Variants in MSRA observed in about 807,000 individuals in gnomAD.
The protein encoded by MSRA is methionine sulfoxide reductase A, also known as mitochondrial peptide methionine sulfoxide reductase.
In MSRA, 54 loss-of-function variants were observed where a neutral mutation model predicts 31.3. The ratio of observed to expected loss-of-function variants is 1.73; its 90% CI spans 1.39 to 2.17. MSRA has a LOEUF of 2.17. MSRA is among the 30% of genes most tolerant of loss of function. The pLI is 0.00. For synonymous variants in MSRA, 169 were observed against 116.5 expected (o/e 1.45, Z -2.90); for missense variants, 507 against 300.9 (o/e 1.69, Z -5.07).
chr8:10,395,575 T>G (rs1807045328), intron 5 of MSRA, among the ~76,000 whole-genome samples: 1 of 152,162 alleles, frequency 6.6e-6, no homozygotes, highest in Non-Finnish European at 1.5e-5. Flanking sequence ...TCGAGGAGTT[T>G]GAAGGCTCTT....
At chr8:10,230,731 A>G (rs1472033862) in intron 2 of MSRA, among the ~76,000 whole-genome samples, 2 of 152,236 alleles carry the variant, frequency 1.3e-5, no homozygotes, top group African/African-American at 2.4e-5. Flanking sequence ...TTAGTCAGTA[A>G]GATTCTTAAG....
intron 1 of MSRA, among the ~76,000 whole-genome samples, chr8:10,090,445 T>G (rs1324656243): frequency 6.6e-6 from 1 of 152,214 alleles, no homozygotes; most frequent in African/African-American, 2.4e-5. Context: ...TTGCCTCTGT[T>G]TAAGAGGCTA....
intron 3 of MSRA, among the ~76,000 whole-genome samples, chr8:10,249,579 C>G (rs949906634): frequency 5.9e-5 from 9 of 152,126 alleles, no homozygotes; most frequent in African/African-American, 1.9e-4. Context: ...AGAAACTTAC[C>G]TCACCCAGAT....
At chr8:10,218,698 CG>C (rs1810224337) in intron 2 of MSRA, among the ~76,000 whole-genome samples, 2 of 152,136 alleles carry the variant, frequency 1.3e-5, no homozygotes, top group East Asian at 3.9e-4. Flanking sequence ...TGGCTCTAAA[CG>C]TGTATTCCCA....
chr8:10,395,652 C>T (rs1018894728), intron 5 of MSRA, among the ~76,000 whole-genome samples: 8 of 152,130 alleles, frequency 5.3e-5, no homozygotes, highest in Non-Finnish European at 1.0e-4. Context: ...TTTGTCATCA[C>T]TCCTCTGTTT....
At chr8:10,251,938 A>T (rs1031575889) in intron 3 of MSRA, among the ~76,000 whole-genome samples, 1 of 152,068 alleles carries the variant, frequency 6.6e-6, no homozygotes, top group African/African-American at 2.4e-5. Flanking sequence ...TTCCAATACA[A>T]CAGCTTTCAA....
At chr8:10,305,803 C>G (rs1301203633) in intron 4 of MSRA, among the ~76,000 whole-genome samples, 1 of 152,142 alleles carries the variant, frequency 6.6e-6, no homozygotes, top group African/African-American at 2.4e-5. Context: ...GGCCCGAGAC[C>G]TGTTATTCCA....
intron 1 of MSRA, among the ~76,000 whole-genome samples, chr8:10,097,605 C>T (rs1286359018): frequency 6.6e-6 from 1 of 152,152 alleles, no homozygotes; most frequent in East Asian, 1.9e-4. Context: ...AACATAACTT[C>T]TTGCCATTTA....
intron 1 of MSRA, among the ~76,000 whole-genome samples, chr8:10,206,215 T>C (rs1808959975): frequency 6.6e-6 from 1 of 152,286 alleles, no homozygotes; most frequent in Middle Eastern, 3.4e-3. Flanking sequence ...GCTCAGCATG[T>C]TTATTTGAAT....
chr8:10,178,562 A>G (rs931502516), intron 1 of MSRA, among the ~76,000 whole-genome samples: 1 of 152,254 alleles, frequency 6.6e-6, no homozygotes, highest in African/African-American at 2.4e-5. Flanking sequence ...GCAGCGATGA[A>G]GATATAATAG....
intron 3 of MSRA, among the ~76,000 whole-genome samples, chr8:10,285,587 C>G (rs939190485): frequency 2.0e-5 from 3 of 152,048 alleles, no homozygotes; most frequent in African/African-American, 7.2e-5. Context: ...AATACTGGAA[C>G]TTATTCCCCC....
chr8:10,428,228 C>A lies in MSRA; in HGVS notation c.624C>A (p.His208Gln), dbSNP rs1207751134. The change falls in exon 6 of 6, where the codon CAC (histidine) becomes CAA (glutamine). Residue 208 changes from histidine (H) to glutamine (Q), a missense_variant. Coordinates refer to ENST00000317173, the MANE Select transcript of MSRA (RefSeq NM_012331.5). ...GQTFYYAEDY[H>Q]QQYLSKNPNG... Reference sequence around the variant, plus strand: ...CTTTCTACTATGCGGAAGACTACCACCAGCAGTACCTGAGCAAGAACCCCA... The same window carrying A: ...CTTTCTACTATGCGGAAGACTACCAACAGCAGTACCTGAGCAAGAACCCCA... 1 of 1,614,218 alleles carries A rather than the reference C, an allele frequency of 6.2e-7. No homozygotes were observed. Among genetic ancestry groups the A allele is most frequent in the Non-Finnish European group, 8.5e-7 (1 of 1,180,046 alleles).
intron 1 of MSRA, among the ~76,000 whole-genome samples, chr8:10,076,978 G>T (rs916812604): frequency 2.0e-5 from 3 of 150,902 alleles, no homozygotes; most frequent in Non-Finnish European, 2.9e-5. Flanking sequence ...ATAGGTAAAT[G>T]TGTGCCATGG....
At chr8:10,116,462 C>G (rs1047586707) in intron 1 of MSRA, among the ~76,000 whole-genome samples, 4 of 152,150 alleles carry the variant, frequency 2.6e-5, no homozygotes, top group African/African-American at 9.7e-5. Flanking sequence ...CTCCTGTATG[C>G]TGAACGCCAT....
intron 5 of MSRA, among the ~76,000 whole-genome samples, chr8:10,423,791 C>G (rs975941596): frequency 6.6e-6 from 1 of 152,230 alleles, no homozygotes; most frequent in Non-Finnish European, 1.5e-5. Flanking sequence ...CTCCCTCCCA[C>G]CATTCCTTCC....
intron 1 of MSRA, among the ~76,000 whole-genome samples, chr8:10,089,765 G>A (rs762426279): frequency 9.9e-5 from 15 of 152,222 alleles, no homozygotes; most frequent in Non-Finnish European, 1.8e-4. Context: ...GCGAGCACCT[G>A]CGAAGAAGGA....
At chr8:10,383,000 C>A (rs1051441343) in intron 5 of MSRA, among the ~76,000 whole-genome samples, 5 of 152,220 alleles carry the variant, frequency 3.3e-5, no homozygotes, top group Non-Finnish European at 5.9e-5. Context: ...CCTGGACCAT[C>A]ACTTTTGAAA....
At chr8:10,130,446 G>A (rs1764420761) in intron 1 of MSRA, among the ~76,000 whole-genome samples, 1 of 152,134 alleles carries the variant, frequency 6.6e-6, no homozygotes, top group Non-Finnish European at 1.5e-5. Flanking sequence ...CAGATCTGAG[G>A]GCATTGTGAT....
At chr8:10,151,286 A>AAAT (rs1803652545) in intron 1 of MSRA, among the ~76,000 whole-genome samples, 1 of 148,788 alleles carries the variant, frequency 6.7e-6, no homozygotes, top group African/African-American at 2.5e-5. Flanking sequence ...AAAAAAAAAA[A>AAAT]AATAAGGGCT....
Sources: allele counts gnomAD v4.1 joint callset (sites outside exome capture counted in the v4.1 genomes callset), GRCh38; gene constraint gnomAD v4.1.1; transcripts MANE v1.5; gene names NCBI Gene and HGNC (gene_info 2026-07-23, HGNC 2026-07-21).